The following BRINP1 variants were observed in gnomAD, a reference collection of about 807,000 sequenced individuals.
The protein encoded by BRINP1 is BMP/retinoic acid-inducible neural-specific protein 1.
A neutral mutation model predicts 72.9 loss-of-function variants in BRINP1; 17 were observed. That is an observed-to-expected ratio of 0.23 (90% CI 0.16 to 0.35). The LOEUF is 0.35. Ranked by LOEUF, BRINP1 falls within the 10% of genes least tolerant of loss-of-function variation. BRINP1 has a pLI of 1.00. For missense variants in BRINP1, 850 were observed against 1,001.6 expected, an observed-to-expected ratio of 0.85 and a Z score of 2.04; for synonymous variants, 418 against 378.5, an observed-to-expected ratio of 1.10 and a Z score of -1.21.
intron 7 of BRINP1, among the ~76,000 whole-genome samples, chr9:119,169,827 A>G (rs1479603477): frequency 6.6e-6 from 1 of 152,094 alleles, no homozygotes; most frequent in African/African-American, 2.4e-5. Context: ...CTGACCCCTG[A>G]CCCCTGAGCA....
At chr9:119,304,980 A>T (rs943653647) in intron 2 of BRINP1, among the ~76,000 whole-genome samples, 1 of 152,212 alleles carries the variant, frequency 6.6e-6, no homozygotes, top group East Asian at 1.9e-4. Context: ...TGCCCCCATC[A>T]GCCAAGGCAC....
At chr9:119,298,606 C>T (rs979264455) in intron 2 of BRINP1, among the ~76,000 whole-genome samples, 6 of 152,084 alleles carry the variant, frequency 3.9e-5, no homozygotes, top group Non-Finnish European at 1.5e-5. Context: ...TACCTAGCAT[C>T]AAATACCCGC....
At chr9:119,212,170 A>G (rs2183964) in intron 6 of BRINP1, among the ~76,000 whole-genome samples, 122,340 of 152,040 alleles carry the variant, frequency 0.8, 49,378 homozygotes, top group Middle Eastern at 0.9. Context: ...TCGTTATAAG[A>G]CATCCACAGT....
intron 2 of BRINP1, among the ~76,000 whole-genome samples, chr9:119,268,619 C>T (rs945690028): frequency 1.3e-5 from 2 of 152,196 alleles, no homozygotes; most frequent in African/African-American, 2.4e-5. Flanking sequence ...CTATGGCAAT[C>T]GTGTCACTGC....
At chr9:119,219,768 C>A (rs994702738) in intron 5 of BRINP1, among the ~76,000 whole-genome samples, 6 of 151,846 alleles carry the variant, frequency 4.0e-5, no homozygotes, top group Middle Eastern at 3.2e-3. Context: ...TTTCAGGGAA[C>A]ACAGGGAAAG....
rs554904872 is a variant in BRINP1, at chr9:119,261,580, G to A, written c.219-12430C>T. On this transcript the variant is annotated intron_variant, in intron 2 of 7. Transcript: ENST00000265922. ...AAAAATGGTTTCTCTCCATCAAATT[G>A]TCCTCAGTTCCTCTTTTTTCCTGTC... 2.0e-5 allele frequency among the ~76,000 whole-genome samples: 3 copies of A among 152,126 alleles called. No homozygotes were observed. The East Asian group carries it at 5.8e-4, about 30-fold the overall frequency.
chr9:119,243,307 G>A (rs1830277436), intron 3 of BRINP1, among the ~76,000 whole-genome samples: 1 of 152,072 alleles, frequency 6.6e-6, no homozygotes, highest in Non-Finnish European at 1.5e-5. Context: ...TGTGGTGTTT[G>A]GTTCTCTGTT....
chr9:119,298,475 A>C (rs1349461453), intron 2 of BRINP1, among the ~76,000 whole-genome samples: 1 of 149,422 alleles, frequency 6.7e-6, no homozygotes, highest in Non-Finnish European at 1.5e-5. Context: ...GATTTCCCCC[A>C]CCCCTCCCCT....
chr9:119,338,012 C>T (rs1335526257), intron 1 of BRINP1, among the ~76,000 whole-genome samples: 1 of 152,170 alleles, frequency 6.6e-6, no homozygotes, highest in Non-Finnish European at 1.5e-5. Context: ...GGGCAAGTTA[C>T]TCTCTTCTCT....
In BRINP1 at chr9:119,272,201, C is replaced by A. The variant is rs912195261; in HGVS notation, c.219-23051G>T. Among the ~76,000 whole-genome samples the A allele has an allele frequency of 2.0e-5, 3 of 151,172 alleles. No individual in the cohort carries two copies. In the East Asian group the frequency reaches 5.9e-4, roughly 29 times the overall value. ...TCAAGCAATTCTCGTGCCTCAGCCT[C>A]CTGAGAGCTAGGATGTAGTAGCAGG... On this transcript the variant is annotated intron_variant, in intron 2 of 7. Transcript: ENST00000265922.
intron 1 of BRINP1, among the ~76,000 whole-genome samples, chr9:119,357,434 T>G (rs938581783): frequency 6.3e-5 from 9 of 143,614 alleles, no homozygotes; most frequent in African/African-American, 2.6e-4. Flanking sequence ...AGATTCTGGC[T>G]CTTGGCTGTG....
chr9:119,200,264 A>G (rs1008112072), intron 7 of BRINP1, among the ~76,000 whole-genome samples: 2 of 152,214 alleles, frequency 1.3e-5, no homozygotes, highest in African/African-American at 4.8e-5. Context: ...AAGAATATAG[A>G]AAAGATGTAT....
intron 2 of BRINP1, among the ~76,000 whole-genome samples, chr9:119,252,506 A>G (rs1422774417): frequency 6.6e-6 from 1 of 151,924 alleles, no homozygotes. Flanking sequence ...ATATATGCAT[A>G]TAAACATACT....
At chr9:119,303,291 G>GACACAC (rs35386714) in intron 2 of BRINP1, among the ~76,000 whole-genome samples, 4,887 of 117,380 alleles carry the variant, frequency 0.042, 391 homozygotes, top group African/African-American at 0.15. Context: ...CACACACACA[G>GACACAC]ACACACACAC....
At chr9:119,245,312 G>A (rs1180260350) in intron 3 of BRINP1, among the ~76,000 whole-genome samples, 2 of 152,158 alleles carry the variant, frequency 1.3e-5, no homozygotes, top group East Asian at 3.9e-4. Context: ...ATCTAAGCAG[G>A]AATAGGCTTT....
chr9:119,309,415 G>A (rs560611661), intron 2 of BRINP1, among the ~76,000 whole-genome samples: 1 of 152,296 alleles, frequency 6.6e-6, no homozygotes, highest in South Asian at 2.1e-4. Flanking sequence ...TTCCAGTTGT[G>A]TAATATGAAC....
intron 2 of BRINP1, among the ~76,000 whole-genome samples, chr9:119,274,679 A>G (rs1041521074): frequency 1.3e-5 from 2 of 152,156 alleles, no homozygotes; most frequent in Non-Finnish European, 2.9e-5. Flanking sequence ...TCAGCCCCAG[A>G]GACAAAATAA....
At chr9:119,355,538 C>G (rs188868562) in intron 1 of BRINP1, among the ~76,000 whole-genome samples, 1 of 151,978 alleles carries the variant, frequency 6.6e-6, no homozygotes, top group Non-Finnish European at 1.5e-5. Flanking sequence ...ACCATCCTGG[C>G]TAACATGGTA....
At chr9:119,211,015 C>T (rs1829919945) in intron 6 of BRINP1, among the ~76,000 whole-genome samples, 1 of 152,096 alleles carries the variant, frequency 6.6e-6, no homozygotes, top group Non-Finnish European at 1.5e-5. Context: ...TGACTCTGTT[C>T]TGTTTGGGAC....
Sources: allele counts gnomAD v4.1 joint callset (sites outside exome capture counted in the v4.1 genomes callset), GRCh38; gene constraint gnomAD v4.1.1; transcripts MANE v1.5; gene names NCBI Gene and HGNC (gene_info 2026-07-23, HGNC 2026-07-21).